DHX32: variants seen among roughly 807,000 people sequenced by gnomAD.
DHX32 encodes the protein putative pre-mRNA-splicing factor ATP-dependent RNA helicase DHX32.
Under a neutral mutation model 70.0 loss-of-function variants are expected in DHX32, and 51 were observed. The ratio of observed to expected loss-of-function variants is 0.73; its 90% confidence interval spans 0.58 to 0.92. DHX32 has a LOEUF of 0.92. Among genes scored for constraint, DHX32 ranks in the 40% least tolerant of loss-of-function variants. The pLI is 0.00. For synonymous variants in DHX32, 310 were observed against 315.3 expected, an observed-to-expected ratio of 0.98 and a Z score of 0.18; for missense variants, 762 against 891.8, an observed-to-expected ratio of 0.85 and a Z score of 1.85.
At chr10:125,890,919 G>C (rs1410934719) in intron 1 of DHX32, among the ~76,000 whole-genome samples, 1 of 151,418 alleles carries the variant, frequency 6.6e-6, no homozygotes. Context: ...AAAAAATAGA[G>C]GTCACTTAAT....
chr10:125,882,383 T>C (rs1944322341), upstream of DHX32, among the ~76,000 whole-genome samples: 1 of 152,204 alleles, frequency 6.6e-6, no homozygotes, highest in Non-Finnish European at 1.5e-5. Flanking sequence ...TCCTAATTAG[T>C]AAGTGATAAG....
intron 6 of DHX32, among the ~76,000 whole-genome samples, chr10:125,851,016 G>A (rs1466328491): frequency 6.6e-6 from 1 of 152,182 alleles, no homozygotes; most frequent in Non-Finnish European, 1.5e-5. Flanking sequence ...CAATTGTCAG[G>A]CAGCCAAGGA....
At chr10:125,840,187 T>G (rs1854832514) in intron 8 of DHX32, among the ~76,000 whole-genome samples, 1 of 152,224 alleles carries the variant, frequency 6.6e-6, no homozygotes, top group South Asian at 2.1e-4. Context: ...CTTTGCCCTG[T>G]TTGCCCCCTC....
intron 2 of DHX32, among the ~76,000 whole-genome samples, chr10:125,864,929 C>CAAAAAGAAAAAAAAA (rs1944210515): frequency 1.8e-5 from 1 of 54,212 alleles, no homozygotes. Flanking sequence ...GACTCTGTCT[C>CAAAAAGAAAAAAAAA]AAAAAAAAAA....
intron 3 of DHX32, among the ~76,000 whole-genome samples, chr10:125,859,041 GTTTGTTTTTTT>G (rs1232553630): frequency 2.2e-5 from 3 of 134,254 alleles, no homozygotes; most frequent in South Asian, 2.4e-4. Flanking sequence ...TTGTTTGTTT[GTTTGTTTTTTT>G]TTTTTTTTTT....
intron 1 of DHX32, among the ~76,000 whole-genome samples, chr10:125,886,513 A>G (rs1319044868): frequency 6.6e-6 from 1 of 152,250 alleles, no homozygotes; most frequent in Non-Finnish European, 1.5e-5. Flanking sequence ...GTAGTTTACT[A>G]CTGCTGCATA....
At chr10:125,895,901 C>A (rs1447829284) in intron 1 of DHX32, among the ~76,000 whole-genome samples, 1 of 152,298 alleles carries the variant, frequency 6.6e-6, no homozygotes, top group African/African-American at 2.4e-5. Context: ...CGGCGGCTCG[C>A]ATTGCTCCAC....
At chr10:125,883,851 C>T (rs1239346505), upstream of DHX32, among the ~76,000 whole-genome samples, 1 of 152,134 alleles carries the variant, frequency 6.6e-6, no homozygotes, top group Admixed American at 6.5e-5. Context: ...AGCCAAAGAC[C>T]AGACTGCTCT....
At chr10:125,886,616 C>T (rs1293724518) in intron 1 of DHX32, among the ~76,000 whole-genome samples, 1 of 152,306 alleles carries the variant, frequency 6.6e-6, no homozygotes, top group Non-Finnish European at 1.5e-5. Flanking sequence ...TAGACTCTTG[C>T]TATTCTTAGA....
At chr10:125,871,862 CT>C (rs367881568) in intron 1 of DHX32, among the ~76,000 whole-genome samples, 9,898 of 131,052 alleles carry the variant, frequency 0.076, 509 homozygotes, top group African/African-American at 0.2. Flanking sequence ...TGCTTCTTTT[CT>C]TTTTTTTTTT....
intron 1 of DHX32, among the ~76,000 whole-genome samples, chr10:125,876,869 T>C (rs1019711356): frequency 6.6e-6 from 1 of 152,226 alleles, no homozygotes; most frequent in Non-Finnish European, 1.5e-5. Context: ...TGTGAATGTC[T>C]AGAAATCAGA....
Position 125,852,443 on chromosome 10 carries a change from A to G in DHX32, c.1201T>C (p.Phe401Leu). 2 of 1,614,050 alleles carry G rather than the reference A, an allele frequency of 1.2e-6. No homozygotes were observed. Among genetic ancestry groups the G allele is most frequent in the Non-Finnish European group, 1.7e-6 (2 of 1,179,998 alleles). The change falls in exon 6 of 11, where the codon TTC becomes CTC. Residue 401 changes from phenylalanine (F) to leucine (L), a missense_variant. Around this residue, in one of 3 missense-constraint regions of DHX32, gnomAD observed 2 missense variants for 16.1 expected, o/e 0.12. Transcript: ENST00000284690. ...GCAAATTCTTCAGTGTACAGGCAGA[A>G]AAATTTTCCTAAAAGACACCAAGAA... ...ILGSSSSGKFFCLYTEEFASK... is the reference protein window; with the variant it reads ...ILGSSSSGKFLCLYTEEFASK...
In DHX32 at chr10:125,880,546, AG is replaced by A. The variant is rs756185385; in HGVS notation, c.278del (p.Ala93ValfsTer21). The A allele has an allele frequency of 5.0e-6, 8 of 1,597,808 alleles. No individual in the cohort carries two copies. Among genetic ancestry groups the A allele is most frequent in the Non-Finnish European group, 6.8e-6 (8 of 1,170,454 alleles). On this transcript the variant is annotated frameshift_variant, in exon 1 of 11. Transcript: ENST00000284690. LOFTEE classifies it high-confidence loss of function. The part of the protein sequence containing the change: ...VSGDAKCGKS[A>X]QVPQWCAEYC... ...ATTTTTTGTAGTGGTTACTCACCTG[AG>A]CGCTCTTACCACATTTAGCATCTCC...
At chr10:125,871,303 T>A (rs1347465369) in intron 1 of DHX32, among the ~76,000 whole-genome samples, 1 of 152,212 alleles carries the variant, frequency 6.6e-6, no homozygotes, top group Non-Finnish European at 1.5e-5. Context: ...GGCAAAGACA[T>A]TAATTCAGAA....
chr10:125,846,926 A>G (rs2078570222), intron 6 of DHX32, among the ~76,000 whole-genome samples: 1 of 152,224 alleles, frequency 6.6e-6, no homozygotes, highest in South Asian at 2.1e-4. Context: ...ACTAGTACCC[A>G]TCGCGGCCTG....
chr10:125,841,006 GA>G lies in DHX32; in HGVS notation c.1544-11del. The stretch of plus-strand genomic sequence containing the variant: ...GAAAAGCAATTTGGAGCTTCAAAAT[GA>G]AAAAGGTCACATGGTTAGCAATAAT... On this transcript the variant is annotated splice_polypyrimidine_tract_variant and intron_variant, in intron 7 of 10. Transcript: ENST00000284690. 6.3e-7 allele frequency: 1 copy of G among 1,589,728 alleles called. No individual in the cohort carries two copies. Among genetic ancestry groups the G allele is most frequent in the Non-Finnish European group, 8.6e-7 (1 of 1,164,322 alleles).
intron 1 of DHX32, among the ~76,000 whole-genome samples, chr10:125,874,715 G>A (rs1159064394): frequency 6.6e-6 from 1 of 152,152 alleles, no homozygotes; most frequent in African/African-American, 2.4e-5. Flanking sequence ...AATAAACCCT[G>A]TAGTGCTAAA....
In DHX32 at chr10:125,880,861, C is replaced by T; in HGVS notation, c.-37G>A. On this transcript the variant is annotated 5_prime_UTR_variant, in exon 1 of 11. In the 5' UTR this introduces an upstream ATG that the reference lacks. Transcript: ENST00000284690. ...GTGAGCTCACGCAGCTGACATTCCA[C>T]AAGCAAGTTTCTCCTATCAGTAACC... is the stretch of plus-strand genomic sequence containing the variant. 1 of 1,585,566 alleles carries T rather than the reference C, an allele frequency of 6.3e-7. No homozygotes were observed. The highest frequency in any genetic ancestry group is 8.6e-7 in the Non-Finnish European group (1 of 1,168,280).
intron 1 of DHX32, among the ~76,000 whole-genome samples, chr10:125,879,015 G>GT (rs35025096): frequency 0.022 from 1,263 of 56,686 alleles, 164 homozygotes; most frequent in African/African-American, 0.065. Context: ...GCCTTTTCTT[G>GT]TTTTTTTTTT....
Sources: allele counts gnomAD v4.1 joint callset (sites outside exome capture counted in the v4.1 genomes callset), GRCh38; gene constraint gnomAD v4.1.1; regional missense constraint gnomAD v4.1.1; transcripts MANE v1.5; gene names NCBI Gene and HGNC (gene_info 2026-07-23, HGNC 2026-07-21).